Variants in NUBPL observed in about 807,000 individuals in gnomAD.
NUBPL encodes the protein iron-sulfur cluster transfer protein NUBPL.
Under a neutral mutation model 45.7 loss-of-function variants are expected in NUBPL, and 31 were observed. The ratio of observed to expected loss-of-function variants is 0.68; its 90% confidence interval spans 0.51 to 0.92. The LOEUF (loss-of-function observed/expected upper bound fraction) is 0.92. Ranked by LOEUF, NUBPL falls within the 40% of genes least tolerant of loss-of-function variation. The probability of loss-of-function intolerance (pLI) is 0.00; values close to 1 mark genes in which losing one functional copy is unlikely to be tolerated. For synonymous variants in NUBPL, 144 were observed against 140.9 expected, an observed-to-expected ratio of 1.02 and a Z score of -0.15; for missense variants, 401 against 398.7, an observed-to-expected ratio of 1.01 and a Z score of -0.05.
intron 4 of NUBPL, among the ~76,000 whole-genome samples, chr14:31,621,496 G>A (rs1232925788): frequency 1.3e-5 from 2 of 152,308 alleles, no homozygotes; most frequent in Admixed American, 6.5e-5. Context: ...GGAGTGCACA[G>A]TTCCTCTTGG....
chr14:31,830,488 C>T (rs1018638021), intron 8 of NUBPL, among the ~76,000 whole-genome samples: 1 of 152,134 alleles, frequency 6.6e-6, no homozygotes, highest in African/African-American at 2.4e-5. Flanking sequence ...CATCCTGGTC[C>T]TTTGCCTGAT....
At chr14:31,646,131 A>G (rs1206892935) in intron 4 of NUBPL, among the ~76,000 whole-genome samples, 1 of 152,000 alleles carries the variant, frequency 6.6e-6, no homozygotes, top group Non-Finnish European at 1.5e-5. Context: ...TATTTGAAGG[A>G]TAGCTTTCCT....
At chr14:31,640,628 A>G (rs954043457) in intron 4 of NUBPL, among the ~76,000 whole-genome samples, 2 of 151,710 alleles carry the variant, frequency 1.3e-5, no homozygotes, top group African/African-American at 2.4e-5. Context: ...AAAAAAAAAA[A>G]AAAAGAAACA....
intron 6 of NUBPL, among the ~76,000 whole-genome samples, chr14:31,729,289 A>AC (rs1566527585): frequency 9.3e-6 from 1 of 107,696 alleles, no homozygotes; most frequent in Non-Finnish European, 1.8e-5. Flanking sequence ...CCCCCCCCCC[A>AC]AAAAAAAAGT....
chr14:31,608,904 A>C (rs943542678), intron 4 of NUBPL, among the ~76,000 whole-genome samples: 11 of 152,156 alleles, frequency 7.2e-5, no homozygotes, highest in African/African-American at 2.7e-4. Context: ...GCCTCATGGT[A>C]ACCTCAAACC....
intron 6 of NUBPL, among the ~76,000 whole-genome samples, chr14:31,775,437 AAAAG>A (rs2039081590): frequency 6.6e-6 from 1 of 152,134 alleles, no homozygotes; most frequent in Non-Finnish European, 1.5e-5. Flanking sequence ...AAAACAAAAC[AAAAG>A]AAAGCAAAAA....
chr14:31,784,848 A>C (rs867926525), intron 6 of NUBPL, among the ~76,000 whole-genome samples: 1 of 152,334 alleles, frequency 6.6e-6, no homozygotes, highest in Middle Eastern at 3.4e-3. Flanking sequence ...GAATGTTTTG[A>C]AGAAAACACG....
intron 4 of NUBPL, among the ~76,000 whole-genome samples, chr14:31,661,343 T>G (rs1236257006): frequency 6.6e-6 from 1 of 152,252 alleles, no homozygotes; most frequent in East Asian, 1.9e-4. Context: ...CCAAAGTTTC[T>G]TTGTTAACTT....
intron 7 of NUBPL, among the ~76,000 whole-genome samples, chr14:31,820,782 C>T (rs575593138): frequency 2.4e-4 from 24 of 101,208 alleles, no homozygotes; most frequent in Non-Finnish European, 4.4e-4. Flanking sequence ...CGAGATCGTG[C>T]CATTGGCACT....
rs538314122 is a variant in NUBPL at position 31,714,309 on chromosome 14, T to G, written c.513+40735T>G. On this transcript the variant is annotated intron_variant, in intron 6 of 10. Coordinates refer to ENST00000281081, the MANE Select transcript of NUBPL (RefSeq NM_025152.3). ...ACCAAAGCCTTGGCCTTTGATGATA[T>G]CTCTGAGACTTTGAAAAAAAAACAA... Among the ~76,000 whole-genome samples, 192 of 152,122 alleles carry G rather than the reference T, an allele frequency of 1.3e-3. 3 individuals carry two copies. The highest frequency in any genetic ancestry group is 3.4e-3 in the Middle Eastern group (1 of 294).
intron 7 of NUBPL, among the ~76,000 whole-genome samples, chr14:31,804,955 G>C (rs36020968): frequency 6.6e-6 from 1 of 151,968 alleles, no homozygotes; most frequent in Non-Finnish European, 1.5e-5. Flanking sequence ...AAAATTAAGA[G>C]CTTCTGTCCA....
chr14:31,836,311 G>A (rs943006613), intron 8 of NUBPL, among the ~76,000 whole-genome samples: 3 of 152,054 alleles, frequency 2.0e-5, no homozygotes, highest in African/African-American at 7.2e-5. Flanking sequence ...AAAGAAAAAA[G>A]GACCTTATGC....
intron 6 of NUBPL, among the ~76,000 whole-genome samples, chr14:31,706,159 CT>C (rs71115027): frequency 0.37 from 55,718 of 152,008 alleles, 12,562 homozygotes; most frequent in East Asian, 0.59. Flanking sequence ...TCAATCCCCC[CT>C]CTAAACAGGA....
At position 31,826,631 on chromosome 14, in the gene NUBPL, G is replaced by C; in HGVS notation, c.610G>C (p.Ala204Pro). The change falls in exon 8 of 11, where the codon GCT becomes CCT. Residue 204 changes from alanine to proline, a missense_variant and splice_region_variant. Coordinates refer to ENST00000281081, the MANE Select transcript of NUBPL (RefSeq NM_025152.3). ...GTATTTTGTTTATCTTTGGCTAGGT[G>C]CTGTGATTGTCTCCACGCCCCAGGA... ...SVSQNIPITG[A>P]VIVSTPQDIA... 1 of 1,613,868 alleles carries C rather than the reference G, an allele frequency of 6.2e-7. No homozygotes were observed. Among genetic ancestry groups the C allele is most frequent in the Non-Finnish European group, 8.5e-7 (1 of 1,179,748 alleles).
intron 4 of NUBPL, among the ~76,000 whole-genome samples, chr14:31,646,299 A>C (rs1054390635): frequency 6.6e-6 from 1 of 151,264 alleles, no homozygotes; most frequent in Non-Finnish European, 1.5e-5. Context: ...CGATTCTTGT[A>C]CCTCGGCCTC....
chr14:31,846,744 C>G (rs1254735119), intron 9 of NUBPL, among the ~76,000 whole-genome samples, 153 bp downstream of exon 9: 1 of 152,092 alleles, frequency 6.6e-6, no homozygotes, highest in African/African-American at 2.4e-5. Flanking sequence ...ATCACGAGGT[C>G]AGGAGATCGA....
chr14:31,705,152 G>A (rs570065350), intron 6 of NUBPL, among the ~76,000 whole-genome samples: 21 of 152,078 alleles, frequency 1.4e-4, no homozygotes, highest in Non-Finnish European at 2.1e-4. Context: ...TGGCGCGTCC[G>A]GAGTTGTTTG....
At chr14:31,688,815 C>T (rs1359384642) in intron 6 of NUBPL, among the ~76,000 whole-genome samples, 5 of 151,880 alleles carry the variant, frequency 3.3e-5, no homozygotes, top group East Asian at 1.9e-4. Context: ...TCCCTCCTCC[C>T]GCCCTCCACC....
chr14:31,798,406 GT>G (rs2039510190), intron 7 of NUBPL, among the ~76,000 whole-genome samples: 1 of 148,066 alleles, frequency 6.8e-6, no homozygotes, highest in African/African-American at 2.5e-5. Flanking sequence ...TAGTGTGCAT[GT>G]GGGCATTTGC....
Sources: allele counts gnomAD v4.1 joint callset (sites outside exome capture counted in the v4.1 genomes callset), GRCh38; gene constraint gnomAD v4.1.1; transcripts MANE v1.5; gene names NCBI Gene and HGNC (gene_info 2026-07-23, HGNC 2026-07-21).